Variants in EXD3 observed in about 807,000 individuals in gnomAD.
EXD3 encodes exonuclease 3'-5' domain containing 3, also known as exonuclease mut-7 homolog.
In EXD3, 92 loss-of-function variants were observed where a neutral mutation model predicts 98.0. The observed-to-expected ratio is 0.94, with a 90% confidence interval of 0.79 to 1.12. EXD3 has a LOEUF of 1.12. Ranked by LOEUF, EXD3 falls within the 50% of genes most tolerant of loss-of-function variation. EXD3 has a pLI of 0.00. For synonymous variants in EXD3, 569 were observed against 526.0 expected (o/e 1.08, Z -1.12); for missense variants, 1,222 against 1,191.6 (o/e 1.03, Z -0.38).
intron 19 of EXD3, among the ~76,000 whole-genome samples, chr9:137,314,809 C>T (rs28658258): frequency 0.12 from 18,818 of 152,236 alleles, 1,657 homozygotes; most frequent in African/African-American, 0.24. Flanking sequence ...CCCAGAGCCC[C>T]CAAAAGCCAG....
At chr9:137,373,167 G>A in intron 4 of EXD3, 95 bp from the exon 5 acceptor site, 2 of 1,398,548 alleles carry the variant, frequency 1.4e-6, no homozygotes, top group East Asian at 2.3e-5. Flanking sequence ...AGCAGCGCCT[G>A]CCACTGTGGC....
chr9:137,328,621 ACTACAC>A (rs1564477417), intron 17 of EXD3, among the ~76,000 whole-genome samples: 1 of 17,538 alleles, frequency 5.7e-5, no homozygotes, highest in Non-Finnish European at 1.2e-4. Flanking sequence ...GCTACACGGG[ACTACAC>A]GGGACTACAC....
rs771449663 is a variant in EXD3 at position 137,373,587 on chromosome 9, C to G, written c.133G>C (p.Ala45Pro). Residue 45 changes from alanine to proline, a missense_variant, in exon 4 of 22, where the codon GCC becomes CCC. By Grantham distance (27) the Ala-to-Pro change is conservative. Transcript: ENST00000340951. ...TCCAAGGCAGCAAACCCCCGCCAGG[C>G]TTCCTCCCGGAGCTGTGGAGACACA... The part of the protein sequence containing the change: ...TRERKQLREE[A>P]WRGFAALDDP... 43 of 1,601,170 alleles carry G rather than the reference C, an allele frequency of 2.7e-5. No homozygotes were observed. Among genetic ancestry groups the G allele is most frequent in the Non-Finnish European group, 3.7e-5 (43 of 1,174,802 alleles).
intron 17 of EXD3, among the ~76,000 whole-genome samples, chr9:137,332,332 G>A (rs1023443935): frequency 6.6e-6 from 1 of 152,198 alleles, no homozygotes; most frequent in Non-Finnish European, 1.5e-5. Context: ...GCTCACGCCT[G>A]TAATCCCAGG....
rs188236803 is a variant in EXD3, at chr9:137,331,983, C to T, written c.1999-7840G>A. 3.5e-3 allele frequency among the ~76,000 whole-genome samples: 538 copies of T among 151,968 alleles called. 5 individuals are homozygous for T. The highest frequency in any genetic ancestry group is 0.012 in the African/African-American group (500 of 41,438). On this transcript the variant is annotated intron_variant, in intron 17 of 21. Coordinates refer to ENST00000340951, the MANE Select transcript of EXD3 (RefSeq NM_017820.5). ...AATCCTTTTTACAATATCTGCGCAA[C>T]GACAACACACACACACACACAGAAC...
chr9:137,392,417 C>T (rs1004264536), intron 2 of EXD3: 23 of 162,232 alleles, frequency 1.4e-4, no homozygotes, highest in South Asian at 8.5e-4. Context: ...GGGCCACAGA[C>T]GCGGATGTCC....
At chr9:137,330,277 A>ACTCCACAGGAGCTACACAGGAT (rs1832962037) in intron 17 of EXD3, among the ~76,000 whole-genome samples, 1 of 116,618 alleles carries the variant, frequency 8.6e-6, no homozygotes, top group African/African-American at 3.5e-5. Flanking sequence ...CTACACAGGA[A>ACTCCACAGGAGCTACACAGGAT]CTACACAGGA....
intron 1 of EXD3, among the ~76,000 whole-genome samples, chr9:137,417,754 C>A (rs1276087670): frequency 1.3e-5 from 2 of 152,134 alleles, no homozygotes; most frequent in South Asian, 4.1e-4. Context: ...CCGGGCACAC[C>A]GGCCACTGCG....
chr9:137,367,104 G>A (rs924845294), intron 6 of EXD3, among the ~76,000 whole-genome samples: 1 of 152,188 alleles, frequency 6.6e-6, no homozygotes, highest in Non-Finnish European at 1.5e-5. Context: ...CAGCAAGAAC[G>A]AATTCCCGTA....
intron 3 of EXD3, among the ~76,000 whole-genome samples, chr9:137,377,723 AAAAG>A (rs1835987338): frequency 6.6e-6 from 1 of 152,046 alleles, no homozygotes; most frequent in African/African-American, 2.4e-5. Context: ...GCTCTGTCAA[AAAAG>A]AAAGGAAGGG....
chr9:137,309,800 G>A, intron 19 of EXD3, 100 bp from the exon 20 acceptor site: 1 of 856,654 alleles, frequency 1.2e-6, no homozygotes, highest in Non-Finnish European at 1.9e-6. Flanking sequence ...TCTGGCCATG[G>A]GGTTTCACAG....
intron 17 of EXD3, among the ~76,000 whole-genome samples, chr9:137,345,364 T>C (rs551542568): frequency 5.9e-5 from 9 of 152,250 alleles, no homozygotes; most frequent in Admixed American, 3.3e-4. Context: ...AGAAAACACA[T>C]GATTTGGAAA....
Position 137,393,301 on chromosome 9 carries a change from C to T in EXD3, c.55+2002G>A, listed in dbSNP as rs574271513. The T allele has an allele frequency of 8.5e-5, 59 of 697,514 alleles. No homozygotes were observed. Among genetic ancestry groups the T allele is most frequent in the Non-Finnish European group, 1.3e-4 (49 of 382,072 alleles). 43.2% of individuals were successfully genotyped at this position (697,514 alleles called of 1,614,324 possible). On this transcript the variant is annotated intron_variant, in intron 2 of 21. Coordinates refer to ENST00000340951, the MANE Select transcript of EXD3 (RefSeq NM_017820.5). The surrounding 1 kb of genome is among the most constrained non-coding windows in gnomAD (Gnocchi z 4.6). ...GGTCCCATGCGCTCCCCGGCCCTGA[C>T]GGCGGTCTCCAGGGGAGGTAACAGG...
intron 16 of EXD3, 130 bp downstream of exon 16, chr9:137,348,980 G>A (rs972862834): frequency 7.1e-6 from 8 of 1,130,612 alleles, no homozygotes; most frequent in Admixed American, 3.0e-5. Context: ...CTCCCCTCTC[G>A]CTCCAGGAGC....
At chr9:137,327,402 G>A (rs1215388562) in intron 17 of EXD3, among the ~76,000 whole-genome samples, 1 of 152,092 alleles carries the variant, frequency 6.6e-6, no homozygotes. Context: ...CAAAGTGCTG[G>A]GATTACAGGT....
intron 1 of EXD3, among the ~76,000 whole-genome samples, chr9:137,417,315 C>T (rs1838283743): frequency 6.6e-6 from 1 of 152,218 alleles, no homozygotes; most frequent in Non-Finnish European, 1.5e-5. Flanking sequence ...GTGGTGAGCA[C>T]AGCACACCCC....
In EXD3 at chr9:137,395,898, C is replaced by T. The variant is rs767316847; in HGVS notation, c.-47-494G>A. Among the ~76,000 whole-genome samples, 35 of 152,218 alleles carry T rather than the reference C, an allele frequency of 2.3e-4. No homozygotes were observed. The highest frequency in any genetic ancestry group is 7.7e-4 in the African/African-American group (32 of 41,550). On this transcript the variant is annotated intron_variant, in intron 1 of 21. Coordinates refer to ENST00000340951, the MANE Select transcript of EXD3 (RefSeq NM_017820.5). The surrounding 1 kb of genome is among the most constrained non-coding windows in gnomAD (Gnocchi z 6.5). ...GCAGCTCCGTAAGACTCCAGGCGGC[C>T]GCTGACAGCTCTCATCCCAGGCAGA... is the stretch of plus-strand genomic sequence containing the variant.
At chr9:137,314,929 A>C (rs1831563959) in intron 19 of EXD3, among the ~76,000 whole-genome samples, 1 of 152,196 alleles carries the variant, frequency 6.6e-6, no homozygotes, top group South Asian at 2.1e-4. Flanking sequence ...GTCTCTCAGA[A>C]GCACCAGGGA....
At chr9:137,334,085 T>G (rs569463517) in intron 17 of EXD3, among the ~76,000 whole-genome samples, 31 of 151,986 alleles carry the variant, frequency 2.0e-4, no homozygotes, top group African/African-American at 7.2e-4. Context: ...CACTGCAATC[T>G]CTACCTCCTG....
Sources: gnomAD v4.1 joint callset for allele counts (sites outside exome capture counted in the v4.1 genomes callset) on GRCh38, gnomAD v4.1.1 for gene constraint, Gnocchi (gnomAD v3.1) non-coding constraint, MANE v1.5 for transcripts, NCBI Gene and HGNC (gene_info 2026-07-23, HGNC 2026-07-21) for gene names.